Variants in GPR137C observed in about 807,000 individuals in gnomAD.
GPR137C encodes the protein integral membrane protein GPR137C.
A neutral mutation model predicts 43.4 loss-of-function variants in GPR137C; 27 were observed. The ratio of observed to expected loss-of-function variants is 0.62; its 90% CI spans 0.46 to 0.86. GPR137C has a LOEUF of 0.86. Among genes scored for constraint, GPR137C ranks in the 40% least tolerant of loss-of-function variants. The probability of loss-of-function intolerance (pLI) is 0.00; values close to 1 mark genes in which losing one functional copy is unlikely to be tolerated. For synonymous variants in GPR137C, 285 were observed against 226.9 expected (o/e 1.26, Z -2.30); for missense variants, 522 against 534.6 (o/e 0.98, Z 0.23).
chr14:52,629,151 A>G (rs1447384826), intron 3 of GPR137C, among the ~76,000 whole-genome samples: 2 of 152,212 alleles, frequency 1.3e-5, no homozygotes, highest in Non-Finnish European at 2.9e-5. Flanking sequence ...GGAAAAACTG[A>G]AACTCTCACA....
chr14:52,621,445 C>T (rs1035574643), intron 3 of GPR137C, among the ~76,000 whole-genome samples: 2 of 151,690 alleles, frequency 1.3e-5, no homozygotes, highest in African/African-American at 4.8e-5. Flanking sequence ...AGAAATAAAA[C>T]CAGCTTGAAT....
chr14:52,586,211 A>G (rs917158970), intron 1 of GPR137C, among the ~76,000 whole-genome samples: 9 of 152,194 alleles, frequency 5.9e-5, no homozygotes, highest in Non-Finnish European at 1.0e-4. Context: ...TCTTGCATTC[A>G]GGGATGTTTG....
chr14:52,588,435 G>A (rs752086940), intron 1 of GPR137C, among the ~76,000 whole-genome samples: 11 of 152,116 alleles, frequency 7.2e-5, no homozygotes, highest in South Asian at 2.1e-4. Flanking sequence ...ATGAGCCACC[G>A]CTTCTGGCCC....
rs1418011501 is a variant in GPR137C, at chr14:52,600,174, T to TG, written c.551dup (p.Cys184TrpfsTer25). The TG allele has an allele frequency of 6.2e-7, 1 of 1,613,968 alleles. No homozygotes were observed. Among genetic ancestry groups the TG allele is most frequent in the Admixed American group, 1.7e-5 (1 of 60,028 alleles). On this transcript the variant is annotated frameshift_variant, in exon 3 of 7. Transcript: ENST00000321662. LOFTEE classifies it high-confidence loss of function. ...GCTCTTTTTAGTGGTGAACTTGACTTGCGCAATGCTAGTTCATGGAGATGT... is the reference window on the plus strand; with the variant it reads ...GCTCTTTTTAGTGGTGAACTTGACTTGGCGCAATGCTAGTTCATGGAGATGT...
At chr14:52,570,268 A>G (rs1369549419) in intron 1 of GPR137C, among the ~76,000 whole-genome samples, 1 of 152,350 alleles carries the variant, frequency 6.6e-6, no homozygotes, top group East Asian at 1.9e-4. Context: ...TGAAGGAGAA[A>G]TAAAATCCTT....
chr14:52,612,334 C>A, intron 3 of GPR137C: 1 of 891,966 alleles, frequency 1.1e-6, no homozygotes, highest in Non-Finnish European at 1.3e-6. Context: ...TTTAAGGCTG[C>A]ATAACATTTC....
At chr14:52,580,584 G>C (rs75036970) in intron 1 of GPR137C, among the ~76,000 whole-genome samples, 1 of 151,514 alleles carries the variant, frequency 6.6e-6, no homozygotes, top group African/African-American at 2.4e-5. Flanking sequence ...GGGTGGTCTC[G>C]AACTTCTGAG....
At chr14:52,590,162 G>A (rs542818931) in intron 1 of GPR137C, among the ~76,000 whole-genome samples, 57 of 152,128 alleles carry the variant, frequency 3.7e-4, no homozygotes, top group Admixed American at 8.5e-4. Context: ...CTGACCCTGT[G>A]TAGGCCTAAG....
chr14:52,589,938 T>C (rs1360264431), intron 1 of GPR137C, among the ~76,000 whole-genome samples: 2 of 152,202 alleles, frequency 1.3e-5, no homozygotes, highest in Admixed American at 1.3e-4. Context: ...TAAATGATTA[T>C]GTTACTGGTT....
rs181685386 is a variant in GPR137C, at chr14:52,587,203, T to C, written c.445-11069T>C. ...CTAGGCATTATGGTAGGTATTGGGCTCTATATCTGAGTAAGTTATGGTCTT... is the reference window on the plus strand; with the variant it reads ...CTAGGCATTATGGTAGGTATTGGGCCCTATATCTGAGTAAGTTATGGTCTT... On this transcript the variant is annotated intron_variant, in intron 1 of 6. Coordinates refer to ENST00000321662, the MANE Select transcript of GPR137C (RefSeq NM_001099652.2). 2.7e-3 allele frequency among the ~76,000 whole-genome samples: 407 copies of C among 152,350 alleles called. 3 individuals carry two copies. The highest frequency in any genetic ancestry group is 4.3e-3 in the Admixed American group (66 of 15,300).
intron 1 of GPR137C, chr14:52,596,895 T>A (rs111553846): frequency 0.016 from 7,430 of 453,932 alleles, 453 homozygotes; most frequent in African/African-American, 0.13. Flanking sequence ...AAATCACCTG[T>A]CTTCTGCGTC....
At chr14:52,570,772 C>G (rs1013198810) in intron 1 of GPR137C, among the ~76,000 whole-genome samples, 3 of 152,124 alleles carry the variant, frequency 2.0e-5, no homozygotes, top group Non-Finnish European at 4.4e-5. Flanking sequence ...CTAAAGGGAT[C>G]AATTAAACAA....
intron 1 of GPR137C, among the ~76,000 whole-genome samples, chr14:52,560,776 A>G (rs73306922): frequency 0.039 from 5,877 of 152,298 alleles, 367 homozygotes; most frequent in African/African-American, 0.13. Context: ...ACCTAACTGT[A>G]AAAGCTAAAA....
chr14:52,586,456 G>T (rs932535684), intron 1 of GPR137C, among the ~76,000 whole-genome samples: 1 of 152,106 alleles, frequency 6.6e-6, no homozygotes, highest in African/African-American at 2.4e-5. Context: ...CAATTAAATG[G>T]TCTTTTCTTA....
intron 1 of GPR137C, among the ~76,000 whole-genome samples, chr14:52,583,592 C>T (rs1336942020): frequency 6.6e-6 from 1 of 152,214 alleles, no homozygotes; most frequent in East Asian, 1.9e-4. Flanking sequence ...TGAAATCTAG[C>T]TCTTCTCAGA....
intron 3 of GPR137C, among the ~76,000 whole-genome samples, chr14:52,626,350 C>T (rs776788343): frequency 2.6e-5 from 4 of 151,644 alleles, no homozygotes; most frequent in Non-Finnish European, 4.4e-5. Flanking sequence ...AGGAATGCAG[C>T]GAGAATCAGT....
intron 1 of GPR137C, among the ~76,000 whole-genome samples, chr14:52,557,145 T>C (rs1230460951): frequency 2.0e-5 from 3 of 152,164 alleles, no homozygotes; most frequent in African/African-American, 7.2e-5. Context: ...CCACCTAAAA[T>C]AGAAATTCCT....
intron 3 of GPR137C, among the ~76,000 whole-genome samples, chr14:52,607,267 A>G (rs2038992889): frequency 6.6e-6 from 1 of 152,192 alleles, no homozygotes; most frequent in Non-Finnish European, 1.5e-5. Context: ...ATTCTGCAGC[A>G]GTTGGATGAA....
intron 1 of GPR137C, among the ~76,000 whole-genome samples, chr14:52,582,413 G>A (rs1327805803): frequency 6.6e-6 from 1 of 152,126 alleles, no homozygotes; most frequent in African/African-American, 2.4e-5. Context: ...ATTACATTAG[G>A]TGACAGTCAC....
Sources: allele counts gnomAD v4.1 joint callset (sites outside exome capture counted in the v4.1 genomes callset), GRCh38; gene constraint gnomAD v4.1.1; transcripts MANE v1.5; gene names NCBI Gene and HGNC (gene_info 2026-07-23, HGNC 2026-07-21).